Variants in MYOF observed in about 807,000 individuals in gnomAD.
MYOF encodes fer-1-like 3, myoferlin.
MYOF carries 244 observed loss-of-function variants against 284.2 expected under a neutral mutation model. The ratio of observed to expected loss-of-function variants is 0.86; its 90% CI spans 0.77 to 0.95. The LOEUF is 0.95. MYOF is among the 40% of genes least tolerant of loss of function. The probability of loss-of-function intolerance (pLI) is 0.00; values close to 1 mark genes in which losing one functional copy is unlikely to be tolerated. For missense variants in MYOF, 2,496 were observed against 2,560.6 expected, an observed-to-expected ratio of 0.97 and a Z score of 0.54; for synonymous variants, 904 against 919.7, an observed-to-expected ratio of 0.98 and a Z score of 0.31.
At chr10:93,371,504 AAC>A (rs1564658073) in intron 24 of MYOF, among the ~76,000 whole-genome samples, 2 of 152,230 alleles carry the variant, frequency 1.3e-5, no homozygotes, top group African/African-American at 4.8e-5. Context: ...AAAAATGCAA[AAC>A]AGTCTCACTC....
chr10:93,393,536 T>A (rs1846804349), intron 16 of MYOF, among the ~76,000 whole-genome samples: 1 of 152,216 alleles, frequency 6.6e-6, no homozygotes, highest in Non-Finnish European at 1.5e-5. Flanking sequence ...TGTTTTTAGT[T>A]CTTCTGGATG....
chr10:93,388,063 A>T, intron 18 of MYOF, 150 bp from the exon 19 acceptor site: 1 of 657,404 alleles, frequency 1.5e-6, no homozygotes, highest in Non-Finnish European at 2.7e-6. Context: ...TCCCAGCTGG[A>T]TTCAGGTCTC....
intron 6 of MYOF, among the ~76,000 whole-genome samples, chr10:93,409,259 T>A (rs1326953701): frequency 6.6e-6 from 1 of 152,180 alleles, no homozygotes; most frequent in African/African-American, 2.4e-5. Flanking sequence ...GCCTTCCAAA[T>A]CTAAGACAGG....
rs1344042529 is a variant in MYOF, at chr10:93,355,621, AACTC to A, written c.3403+3_3403+6del. On this transcript the variant is annotated splice_donor_5th_base_variant and intron_variant, in intron 31 of 53. Coordinates refer to ENST00000359263, the MANE Select transcript of MYOF (RefSeq NM_013451.4). ...ATAAAATAAATCAAAAATAAAACAA[AACTC>A]ACTGTCAAAATTGCAGGAAACAATG... is the stretch of plus-strand genomic sequence containing the variant. The A allele has an allele frequency of 4.4e-6, 7 of 1,591,294 alleles. No individual in the cohort carries two copies. The highest frequency in any genetic ancestry group is 1.1e-5 in the South Asian group (1 of 88,148).
Position 93,333,273 on chromosome 10 carries a change from T to C in MYOF, c.4759A>G (p.Ile1587Val), listed in dbSNP as rs775234869. 4 of 1,613,674 alleles carry C rather than the reference T, an allele frequency of 2.5e-6. No individual in the cohort carries two copies. The highest frequency in any genetic ancestry group is 8.5e-7 in the Non-Finnish European group (1 of 1,179,908). The stretch of plus-strand genomic sequence containing the variant: ...GGAATGTAGTGATCTCGGTCTTCAA[T>C]GACTTTTTTGCCCAGTGTTATTTTT... ...YIKITLGKKV[I>V]EDRDHYIPNT... The change falls in exon 43 of 54, where the codon ATT becomes GTT. Residue 1587 changes from isoleucine to valine, a missense_variant. Around this residue, in one of 3 missense-constraint regions of MYOF, gnomAD observed 2,436 missense variants for 2,480.7 expected, o/e 0.98. Transcript: ENST00000359263.
chr10:93,409,796 A>G, intron 5 of MYOF, 57 bp from the exon 6 acceptor site: 1 of 1,587,848 alleles, frequency 6.3e-7, no homozygotes. Context: ...AAATGTCCAA[A>G]GGCTCAGGTT....
At chr10:93,380,499 CTG>C (rs1846062398) in intron 20 of MYOF, among the ~76,000 whole-genome samples, 1 of 152,166 alleles carries the variant, frequency 6.6e-6, no homozygotes, top group South Asian at 2.1e-4. Flanking sequence ...CATTTTAAAA[CTG>C]CTTGTACAAA....
intron 5 of MYOF, among the ~76,000 whole-genome samples, chr10:93,418,610 C>T (rs968954858): frequency 6.6e-6 from 1 of 152,156 alleles, no homozygotes; most frequent in East Asian, 1.9e-4. Context: ...CTATGTCTCC[C>T]TCTGGACAAC....
chr10:93,375,204 T>C (rs1190335409), intron 22 of MYOF, among the ~76,000 whole-genome samples: 1 of 152,214 alleles, frequency 6.6e-6, no homozygotes, highest in African/African-American at 2.4e-5. Flanking sequence ...ATTTTAGGCC[T>C]TAGGGTTTAA....
intron 45 of MYOF, among the ~76,000 whole-genome samples, chr10:93,327,434 A>G (rs558337696): frequency 1.3e-5 from 2 of 152,226 alleles, no homozygotes; most frequent in Admixed American, 6.5e-5. Flanking sequence ...GCACAAGCTC[A>G]TGGCCAGCCT....
chr10:93,356,878 A>G, intron 29 of MYOF, 30 bp from the exon 30 acceptor site: 1 of 1,589,042 alleles, frequency 6.3e-7, no homozygotes, highest in South Asian at 1.1e-5. Context: ...GTTAATGATG[A>G]CGATGATGAT....
At chr10:93,344,726 T>TAAA (rs3081452) in intron 37 of MYOF, among the ~76,000 whole-genome samples, 12 of 76,228 alleles carry the variant, frequency 1.6e-4, no homozygotes, top group Non-Finnish European at 1.8e-4. Context: ...GAACTTAAAT[T>TAAA]AAAAAAAAAA....
At position 93,377,385 on chromosome 10, in the gene MYOF, A is replaced by G; in HGVS notation, c.2046T>C (p.Ile682=). The G allele has an allele frequency of 2.5e-6, 4 of 1,614,084 alleles. No individual in the cohort carries two copies. The South Asian group carries it at 3.3e-5, about 13-fold the overall frequency. The change falls in exon 22 of 54, where the codon ATT becomes ATC. Residue 682 remains isoleucine (I), a synonymous_variant. Transcript: ENST00000359263. ...EALKSGIQGK[I]PANQLAELWL... ...ACAATTCAGCCAGCTGGTTTGCAGG[A>G]ATTTTACCTTGTATCCCTGATTTTA...
At chr10:93,425,713 G>A in intron 5 of MYOF, 1 of 250,812 alleles carries the variant, frequency 4.0e-6, no homozygotes, top group Non-Finnish European at 7.8e-6. Context: ...ACACACAGAG[G>A]AGAGCAGAGG....
At chr10:93,309,902 A>G in intron 53 of MYOF, 118 bp downstream of exon 53, 1 of 1,268,718 alleles carries the variant, frequency 7.9e-7, no homozygotes, top group South Asian at 1.6e-5. Context: ...GAAGGGTTAC[A>G]ACCCCATGCT....
intron 1 of MYOF, among the ~76,000 whole-genome samples, chr10:93,458,170 T>C (rs2056789305): frequency 6.6e-6 from 1 of 151,448 alleles, no homozygotes; most frequent in Non-Finnish European, 1.5e-5. Context: ...GTAGGCAACA[T>C]AATGAAACCC....
intron 4 of MYOF, among the ~76,000 whole-genome samples, chr10:93,429,426 C>T (rs1848737752): frequency 6.6e-6 from 1 of 152,192 alleles, no homozygotes; most frequent in African/African-American, 2.4e-5. Flanking sequence ...ACACACTCCA[C>T]TGAATCACAA....
intron 1 of MYOF, among the ~76,000 whole-genome samples, chr10:93,470,510 C>T (rs1589617960): frequency 6.6e-6 from 1 of 151,914 alleles, no homozygotes; most frequent in East Asian, 2.0e-4. Flanking sequence ...GAGCCATTCT[C>T]CTGCCTCAGC....
At chr10:93,367,542 T>C (rs1352503301) in intron 25 of MYOF, among the ~76,000 whole-genome samples, 1 of 152,182 alleles carries the variant, frequency 6.6e-6, no homozygotes, top group African/African-American at 2.4e-5. Flanking sequence ...GGAACTGTTA[T>C]CCTAAGGGAC....
Sources: gnomAD v4.1 joint callset for allele counts (sites outside exome capture counted in the v4.1 genomes callset) on GRCh38, gnomAD v4.1.1 for gene constraint, gnomAD v4.1.1 regional missense constraint, MANE v1.5 for transcripts, NCBI Gene and HGNC (gene_info 2026-07-23, HGNC 2026-07-21) for gene names.